The following CDH12 variants were observed in gnomAD, a reference collection of about 807,000 sequenced individuals.
CDH12 encodes cadherin-12.
In CDH12, 41 loss-of-function variants were observed where a neutral mutation model predicts 74.1. That is an observed-to-expected ratio of 0.55 (90% CI 0.43 to 0.72). The LOEUF is 0.72. Among genes scored for constraint, CDH12 ranks in the 30% least tolerant of loss-of-function variants. The pLI is 0.00. For synonymous variants in CDH12, 399 were observed against 355.0 expected, an observed-to-expected ratio of 1.12 and a Z score of -1.39; for missense variants, 945 against 977.2, an observed-to-expected ratio of 0.97 and a Z score of 0.44.
intron 5 of CDH12, among the ~76,000 whole-genome samples, chr5:22,046,532 C>T (rs542451562): frequency 6.7e-5 from 10 of 150,062 alleles, no homozygotes; most frequent in Non-Finnish European, 1.2e-4. Flanking sequence ...CCCGGGTTCA[C>T]GCCATTCTCC....
chr5:21,846,680 T>C (rs1267009990), intron 7 of CDH12, among the ~76,000 whole-genome samples: 1 of 152,130 alleles, frequency 6.6e-6, no homozygotes, highest in Non-Finnish European at 1.5e-5. Context: ...ATCTATTTCA[T>C]TGATTTCTTT....
At chr5:22,564,084 A>T (rs1182947996) in intron 1 of CDH12, among the ~76,000 whole-genome samples, 2 of 152,192 alleles carry the variant, frequency 1.3e-5, no homozygotes, top group African/African-American at 4.8e-5. Flanking sequence ...CGTTTATTCT[A>T]ACTGCCAACC....
At chr5:22,515,085 C>A (rs916157020) in intron 1 of CDH12, among the ~76,000 whole-genome samples, 1 of 152,018 alleles carries the variant, frequency 6.6e-6, no homozygotes, top group Non-Finnish European at 1.5e-5. Context: ...ATTTTAAAAT[C>A]ACTTACCTTA....
At chr5:21,857,459 T>C (rs1388542940) in intron 6 of CDH12, among the ~76,000 whole-genome samples, 1 of 151,800 alleles carries the variant, frequency 6.6e-6, no homozygotes, top group Admixed American at 6.6e-5. Flanking sequence ...TCACTTCAAG[T>C]TCCCATATAA....
At chr5:22,681,132 A>C (rs1741461975) in intron 1 of CDH12, among the ~76,000 whole-genome samples, 1 of 152,044 alleles carries the variant, frequency 6.6e-6, no homozygotes, top group African/African-American at 2.4e-5. Flanking sequence ...GAAAATAACC[A>C]AAATTTTATT....
At chr5:21,869,662 A>G (rs1218213622) in intron 6 of CDH12, among the ~76,000 whole-genome samples, 1 of 152,162 alleles carries the variant, frequency 6.6e-6, no homozygotes, top group Non-Finnish European at 1.5e-5. Context: ...GCATCACCCA[A>G]AGACTTTATC....
intron 6 of CDH12, among the ~76,000 whole-genome samples, chr5:21,860,895 C>T (rs916470308): frequency 1.3e-5 from 2 of 152,046 alleles, no homozygotes; most frequent in Non-Finnish European, 2.9e-5. Context: ...GGGACTTCAC[C>T]TTGCGATCTT....
At chr5:22,161,745 A>AGG (rs56703611) in intron 4 of CDH12, among the ~76,000 whole-genome samples, 2 of 146,636 alleles carry the variant, frequency 1.4e-5, no homozygotes, top group African/African-American at 5.1e-5. Flanking sequence ...AGAGAGAGGG[A>AGG]GGGGGGAAAA....
intron 14 of CDH12, among the ~76,000 whole-genome samples, chr5:21,753,123 T>C (rs1274189639): frequency 2.0e-5 from 3 of 152,204 alleles, no homozygotes; most frequent in Non-Finnish European, 4.4e-5. Context: ...CTTGTCATAA[T>C]AACCCCTCTC....
chr5:22,513,771 C>A (rs1361846084), intron 1 of CDH12, among the ~76,000 whole-genome samples: 3 of 151,706 alleles, frequency 2.0e-5, no homozygotes, highest in Non-Finnish European at 4.4e-5. Flanking sequence ...CACGGTGAAA[C>A]CCCATCTCTA....
intron 1 of CDH12, among the ~76,000 whole-genome samples, chr5:22,669,434 C>G (rs1740791248): frequency 6.6e-6 from 1 of 152,114 alleles, no homozygotes. Context: ...AGTTGCCCAT[C>G]CAATACATAT....
At chr5:22,725,832 T>C (rs1462593890) in intron 1 of CDH12, among the ~76,000 whole-genome samples, 3 of 151,738 alleles carry the variant, frequency 2.0e-5, no homozygotes, top group Admixed American at 2.0e-4. Context: ...TAAATTGAGG[T>C]CCATAGAATT....
intron 3 of CDH12, among the ~76,000 whole-genome samples, chr5:22,381,607 T>G (rs1465405514): frequency 6.6e-6 from 1 of 152,028 alleles, no homozygotes; most frequent in Non-Finnish European, 1.5e-5. Context: ...TCCACCTATT[T>G]TCTTTCTGAG....
rs371189490 is a variant in CDH12 at position 21,854,722 on chromosome 5, C to A, written c.595G>T (p.Val199Phe). ...DPTYGNSARV[V>F]YSILQGQPYF... is the part of the protein sequence containing the mutation. ...GGTTGTCCCTGAAGAATGCTGTAAA[C>A]GACTCTGGCACTGTTTCCATAGGTC... is the stretch of plus-strand genomic sequence containing the variant. Residue 199 changes from valine to phenylalanine, a missense_variant, in exon 7 of 15, where the codon GTT (valine) becomes TTT (phenylalanine). By Grantham distance (50) the Val-to-Phe change is conservative. Around this residue, in one of 3 missense-constraint regions of CDH12, gnomAD observed 791 missense variants for 792.8 expected, o/e 1.00. Transcript: ENST00000382254. 2 of 1,609,166 alleles carry A rather than the reference C, an allele frequency of 1.2e-6. No individual in the cohort carries two copies. The highest frequency in any genetic ancestry group is 1.7e-6 in the Non-Finnish European group (2 of 1,176,568).
intron 3 of CDH12, among the ~76,000 whole-genome samples, chr5:22,384,062 GA>G (rs1225304728): frequency 6.6e-6 from 1 of 151,924 alleles, no homozygotes; most frequent in Admixed American, 6.6e-5. Flanking sequence ...GGAATGTAAA[GA>G]AAATTAGACT....
At chr5:22,827,017 G>GT (rs1179401035) in intron 1 of CDH12, among the ~76,000 whole-genome samples, 1 of 152,188 alleles carries the variant, frequency 6.6e-6, no homozygotes, top group African/African-American at 2.4e-5. Flanking sequence ...TCCAGAACAT[G>GT]TAAGAGACCT....
At chr5:22,475,588 T>C (rs1746134605) in intron 2 of CDH12, among the ~76,000 whole-genome samples, 1 of 152,038 alleles carries the variant, frequency 6.6e-6, no homozygotes, top group Admixed American at 6.5e-5. Flanking sequence ...CTAATTGCAA[T>C]GCAAGTGAAG....
At chr5:21,900,407 A>G (rs1307107116) in intron 6 of CDH12, among the ~76,000 whole-genome samples, 2 of 152,254 alleles carry the variant, frequency 1.3e-5, no homozygotes, top group Non-Finnish European at 1.5e-5. Flanking sequence ...GGTATGTAGT[A>G]TATTTAATAG....
At chr5:21,869,954 G>C (rs1315066408) in intron 6 of CDH12, among the ~76,000 whole-genome samples, 5 of 152,060 alleles carry the variant, frequency 3.3e-5, no homozygotes, top group Non-Finnish European at 7.4e-5. Flanking sequence ...GTTGTGGGAG[G>C]GACCTGGTGG....
Sources: gnomAD v4.1 joint callset for allele counts (sites outside exome capture counted in the v4.1 genomes callset) on GRCh38, gnomAD v4.1.1 for gene constraint, gnomAD v4.1.1 regional missense constraint, MANE v1.5 for transcripts, NCBI Gene and HGNC (gene_info 2026-07-23, HGNC 2026-07-21) for gene names.